Variants in LRRC63 observed in about 807,000 individuals in gnomAD.
LRRC63 encodes leucine rich repeat containing 63, also known as leucine-rich repeat-containing protein 63.
A neutral mutation model predicts 49.5 loss-of-function variants in LRRC63; 40 were observed. The ratio of observed to expected loss-of-function variants is 0.81; its 90% CI spans 0.63 to 1.05. The LOEUF is 1.05. LRRC63 is among the 50% of genes least tolerant of loss of function. The pLI is 0.00. For missense variants in LRRC63, 636 were observed against 663.1 expected (o/e 0.96, Z 0.45); for synonymous variants, 191 against 221.1 (o/e 0.86, Z 1.21).
chr13:46,260,750 C>T (rs976384026), intron 7 of LRRC63, among the ~76,000 whole-genome samples: 1 of 152,100 alleles, frequency 6.6e-6, no homozygotes, highest in Non-Finnish European at 1.5e-5. Context: ...TATGTGATAA[C>T]TGGTTAATTC....
rs540914019 is a variant in LRRC63, at chr13:46,246,128, A to G, written c.991-399A>G. Among the ~76,000 whole-genome samples the G allele has an allele frequency of 2.1e-4, 32 of 152,200 alleles. No individual in the cohort carries two copies. In the South Asian group the frequency reaches 2.7e-3, roughly 13 times the overall value. ...CCCCCGTCTTCCTGCTGCTCTGGCC[A>G]TGTAAGACCGCTTCCCCCTTCACCT... On this transcript the variant is annotated intron_variant, in intron 5 of 9. Coordinates refer to ENST00000595396, the Ensembl canonical transcript of LRRC63.
rs140794146 is a variant in LRRC63, at chr13:46,267,585, C to G, written c.1550+613C>G. 6.6e-4 allele frequency among the ~76,000 whole-genome samples: 100 copies of G among 152,116 alleles called. 2 individuals carry two copies. The East Asian group carries it at 0.017, about 26-fold the overall frequency. On this transcript the variant is annotated intron_variant, in intron 9 of 9. Coordinates refer to ENST00000595396, the Ensembl canonical transcript of LRRC63. ...CTATGTGCCTAAGTAAAATGGCTTCCCAGGAATACATAAATTAGAAACATT... is the reference window on the plus strand; with the variant it reads ...CTATGTGCCTAAGTAAAATGGCTTCGCAGGAATACATAAATTAGAAACATT...
intron 7 of LRRC63, among the ~76,000 whole-genome samples, chr13:46,254,703 G>A (rs979403932): frequency 6.6e-6 from 1 of 152,118 alleles, no homozygotes; most frequent in Non-Finnish European, 1.5e-5. Flanking sequence ...GATATTGAGA[G>A]GAACAGAAAA....
chr13:46,252,476 C>G (rs942319637), intron 7 of LRRC63, among the ~76,000 whole-genome samples: 2 of 152,038 alleles, frequency 1.3e-5, no homozygotes, highest in African/African-American at 4.8e-5. Flanking sequence ...ATTAATTCAG[C>G]AGATGTTCAT....
intron 2 of LRRC63, among the ~76,000 whole-genome samples, chr13:46,214,322 C>T (rs2046183077): frequency 6.6e-6 from 1 of 152,190 alleles, no homozygotes; most frequent in Non-Finnish European, 1.5e-5. Context: ...AATTTCCTCT[C>T]CTACTTTCTC....
chr13:46,275,215 C>T (rs115185860), intron 9 of LRRC63, among the ~76,000 whole-genome samples: 389 of 152,274 alleles, frequency 2.6e-3, no homozygotes, highest in African/African-American at 8.9e-3. Flanking sequence ...TTTATCCATT[C>T]ATCTGTTGAT....
At chr13:46,272,262 G>A (rs1320872077) in intron 9 of LRRC63, among the ~76,000 whole-genome samples, 1 of 152,110 alleles carries the variant, frequency 6.6e-6, no homozygotes, top group East Asian at 1.9e-4. Context: ...CAATACCTTC[G>A]ATAAGAGGAC....
chr13:46,276,397 T>C (rs1037845206), intron 9 of LRRC63, among the ~76,000 whole-genome samples, 193 bp from the exon 10 acceptor site: 2 of 152,168 alleles, frequency 1.3e-5, no homozygotes, highest in African/African-American at 4.8e-5. Flanking sequence ...AAAGCTAGGA[T>C]TGTATTATAC....
At chr13:46,254,871 T>C (rs1421218439) in intron 7 of LRRC63, among the ~76,000 whole-genome samples, 1 of 152,150 alleles carries the variant, frequency 6.6e-6, no homozygotes, top group Non-Finnish European at 1.5e-5. Flanking sequence ...GATTTTAGCC[T>C]CCATAAAAAG....
intron 7 of LRRC63, among the ~76,000 whole-genome samples, chr13:46,250,950 A>AGG (rs2047362287): frequency 6.6e-6 from 1 of 151,896 alleles, no homozygotes; most frequent in South Asian, 2.1e-4. Flanking sequence ...CTTATATGAT[A>AGG]TCTAAGACCC....
At chr13:46,250,544 A>C in intron 7 of LRRC63, 53 bp downstream of exon 7, 2 of 1,392,578 alleles carry the variant, frequency 1.4e-6, no homozygotes, top group Non-Finnish European at 1.9e-6. Context: ...ATAATTTCGA[A>C]AAAGATCAAT....
intron 9 of LRRC63, among the ~76,000 whole-genome samples, chr13:46,269,379 T>C (rs2047724338): frequency 6.6e-6 from 1 of 152,128 alleles, no homozygotes; most frequent in African/African-American, 2.4e-5. Flanking sequence ...GTGGGAAAAC[T>C]TGACATTTTG....
At chr13:46,271,019 G>A (rs765262055) in intron 9 of LRRC63, among the ~76,000 whole-genome samples, 20 of 152,164 alleles carry the variant, frequency 1.3e-4, no homozygotes, top group Non-Finnish European at 2.4e-4. Flanking sequence ...TTTGACCCTT[G>A]AATAACATGG....
chr13:46,235,212 GA>G (rs1380190060), intron 5 of LRRC63, among the ~76,000 whole-genome samples: 3 of 152,158 alleles, frequency 2.0e-5, no homozygotes, highest in African/African-American at 4.8e-5. Flanking sequence ...GAGTCGATCT[GA>G]AAAGATGAAG....
chr13:46,276,826 G>GCATATA (rs1555330592), exon 10 of LRRC63: 91 of 165,324 alleles, frequency 5.5e-4, no homozygotes, highest in Admixed American at 2.0e-3. Flanking sequence ...TCGTATGTGT[G>GCATATA]TGTATATATA....
chr13:46,258,601 A>C (rs1409754364), intron 7 of LRRC63, among the ~76,000 whole-genome samples: 1 of 150,796 alleles, frequency 6.6e-6, no homozygotes, highest in Non-Finnish European at 1.5e-5. Context: ...CGAGGTCAGG[A>C]GATCGAGACC....
exon 3 of LRRC63, chr13:46,227,679 G>A: frequency 6.5e-7 from 1 of 1,550,336 alleles, no homozygotes; most frequent in South Asian, 1.2e-5. Context: ...AAGAGTGACT[G>A]CAATTTCATC....
chr13:46,268,755 G>T (rs1029623513), intron 9 of LRRC63, among the ~76,000 whole-genome samples: 8 of 151,692 alleles, frequency 5.3e-5, no homozygotes, highest in Admixed American at 1.3e-4. Flanking sequence ...CCAGAAGCAA[G>T]TTCTGAGAGG....
At chr13:46,263,731 G>A (rs1252427538) in intron 8 of LRRC63, among the ~76,000 whole-genome samples, 1 of 152,072 alleles carries the variant, frequency 6.6e-6, no homozygotes, top group Non-Finnish European at 1.5e-5. Flanking sequence ...ATTCTCATTA[G>A]TATTTTCCTT....
Sources: gnomAD v4.1 joint callset for allele counts (sites outside exome capture counted in the v4.1 genomes callset) on GRCh38, gnomAD v4.1.1 for gene constraint, MANE v1.5 for transcripts, NCBI Gene and HGNC (gene_info 2026-07-23, HGNC 2026-07-21) for gene names.